PPP2R3B: variants seen among roughly 807,000 people sequenced by gnomAD.
PPP2R3B encodes serine/threonine-protein phosphatase 2A regulatory subunit B'' subunit beta.
Under a neutral mutation model 72.9 loss-of-function variants are expected in PPP2R3B, and 68 were observed. The ratio of observed to expected loss-of-function variants is 0.93; its 90% CI spans 0.77 to 1.14. The LOEUF is 1.14. Ranked by LOEUF, PPP2R3B falls within the 50% of genes most tolerant of loss-of-function variation. PPP2R3B has a pLI of 0.00. For synonymous variants in PPP2R3B, 466 were observed against 375.8 expected, an observed-to-expected ratio of 1.24 and a Z score of -2.78; for missense variants, 1,018 against 842.0, an observed-to-expected ratio of 1.21 and a Z score of -2.59.
At chrX:350,268 A>G (rs2071301337) in intron 2 of PPP2R3B, among the ~76,000 whole-genome samples, 1 of 152,200 alleles carries the variant, frequency 6.6e-6, no homozygotes, top group South Asian at 2.1e-4. Flanking sequence ...CCGAAGGGTG[A>G]AAGGCCAAAC....
At chrX:357,057 A>G (rs2124148007) in intron 2 of PPP2R3B, among the ~76,000 whole-genome samples, 1 of 152,322 alleles carries the variant, frequency 6.6e-6, no homozygotes, top group East Asian at 1.9e-4. Context: ...AAAATTTAAA[A>G]TAAAGATGCT....
At chrX:370,620 C>T (rs966625997) in intron 1 of PPP2R3B, among the ~76,000 whole-genome samples, 14 of 152,320 alleles carry the variant, frequency 9.2e-5, no homozygotes, top group African/African-American at 2.9e-4. Context: ...TTCTGTTTCC[C>T]GTTAACCCCC....
intron 3 of PPP2R3B, 61 bp from the exon 4 acceptor site, chrX:347,397 C>CT: frequency 1.3e-6 from 2 of 1,489,888 alleles, no homozygotes; most frequent in Non-Finnish European, 1.9e-6. Context: ...ACCCCGCAGA[C>CT]GCAGGGTGGA....
intron 1 of PPP2R3B, among the ~76,000 whole-genome samples, chrX:372,981 C>A (rs912787487): frequency 4.6e-5 from 7 of 152,056 alleles, no homozygotes; most frequent in Non-Finnish European, 1.0e-4. Context: ...TGAATAAAAC[C>A]ACGCTGCATA....
At chrX:359,948 A>C in intron 2 of PPP2R3B, 1 of 421,352 alleles carries the variant, frequency 2.4e-6, no homozygotes, top group Non-Finnish European at 4.6e-6. Context: ...CATATTTATA[A>C]AACAAAACTT....
At chrX:345,718 T>C (rs368413118) in intron 6 of PPP2R3B, 46 bp from the exon 7 acceptor site, 6 of 1,353,852 alleles carry the variant, frequency 4.4e-6, no homozygotes, top group Non-Finnish European at 5.9e-6. Flanking sequence ...TCTGCGGGGA[T>C]GCCCCAAGTC....
chrX:346,264 C>CGGGGGCGCTGTCAGTGCGGT lies in PPP2R3B; in HGVS notation c.793-24_793-5dup. On this transcript the variant is annotated splice_region_variant and splice_polypyrimidine_tract_variant and intron_variant, in intron 5 of 12. Coordinates refer to ENST00000390665, the MANE Select transcript of PPP2R3B (RefSeq NM_013239.5). ...CGTAGAAGATCCGCTGGATGACCTG[C>CGGGGGCGCTGTCAGTGCGGT]GGGGGCGCTGTCAGTGCGGTGGGTG... is the stretch of plus-strand genomic sequence containing the variant. The CGGGGGCGCTGTCAGTGCGGT allele has an allele frequency of 6.4e-7, 1 of 1,562,986 alleles. No individual in the cohort carries two copies. The highest frequency in any genetic ancestry group is 8.7e-7 in the Non-Finnish European group (1 of 1,155,626).
At chrX:380,987 G>A (rs1199265451) in intron 1 of PPP2R3B, among the ~76,000 whole-genome samples, 4 of 151,230 alleles carry the variant, frequency 2.6e-5, no homozygotes, top group African/African-American at 7.3e-5. Context: ...CCCGGCGGGA[G>A]TGCACTGGCA....
rs369351930 is a variant in PPP2R3B, at chrX:376,366, C to T, written c.324+10002G>A. On this transcript the variant is annotated intron_variant, in intron 1 of 12. Coordinates refer to ENST00000390665, the MANE Select transcript of PPP2R3B (RefSeq NM_013239.5). ...CCCGATGCAGAACCCGCACCACCCG[C>T]CCCCAGTGCAGCCACAGGGCTGTCT... 4.8e-4 allele frequency among the ~76,000 whole-genome samples: 73 copies of T among 152,324 alleles called. 1 individual carries two copies. Among genetic ancestry groups the T allele is most frequent in the African/African-American group, 1.7e-3 (69 of 41,562 alleles).
intron 10 of PPP2R3B, among the ~76,000 whole-genome samples, chrX:339,195 AGAGAACG>A (rs963791692): frequency 3.3e-5 from 5 of 149,484 alleles, no homozygotes; most frequent in Middle Eastern, 7.0e-3. Context: ...CTGAAATTAC[AGAGAACG>A]GAGCTCCCCG....
chrX:346,605 G>T, intron 5 of PPP2R3B, 96 bp downstream of exon 5: 1 of 1,219,424 alleles, frequency 8.2e-7, no homozygotes, highest in Non-Finnish European at 1.1e-6. Flanking sequence ...GGAACCCCGG[G>T]CCCCGCCCGC....
chrX:372,081 G>A (rs1266696391), intron 1 of PPP2R3B, among the ~76,000 whole-genome samples: 1 of 152,124 alleles, frequency 6.6e-6, no homozygotes, highest in African/African-American at 2.4e-5. Flanking sequence ...ATCCAGCCAC[G>A]TGCGAGCTAA....
intron 5 of PPP2R3B, 181 bp downstream of exon 5, chrX:346,520 C>G: frequency 3.0e-6 from 2 of 664,436 alleles, no homozygotes; most frequent in South Asian, 3.9e-5. Flanking sequence ...CCCGGAAAAC[C>G]AGAGTCCCCC....
chrX:378,803 T>C (rs1251154029), intron 1 of PPP2R3B, among the ~76,000 whole-genome samples: 1 of 152,080 alleles, frequency 6.6e-6, no homozygotes, highest in Non-Finnish European at 1.5e-5. Flanking sequence ...GTGCCCACTA[T>C]GAAAACGTGA....
chrX:351,177 C>A (rs1007909203), intron 2 of PPP2R3B, among the ~76,000 whole-genome samples: 18 of 152,280 alleles, frequency 1.2e-4, no homozygotes, highest in Non-Finnish European at 2.1e-4. Context: ...CGTGCCGGCT[C>A]CCGTGATGAG....
At position 348,096 on chromosome X, in the gene PPP2R3B, A is replaced by G. The variant is rs766202602; in HGVS notation, c.511-403T>C. Among the ~76,000 whole-genome samples, 803 of 152,272 alleles carry G rather than the reference A, an allele frequency of 5.3e-3. 18 individuals carry two copies. The highest frequency in any genetic ancestry group is 3.6e-3 in the Non-Finnish European group (242 of 68,022). The stretch of plus-strand genomic sequence containing the variant: ...CTCATGGAATGTGTGGGACGCACCT[A>G]CAGCAGCGACCCATGGCAGGTTCAC... On this transcript the variant is annotated intron_variant, in intron 2 of 12. Transcript: ENST00000390665.
At chrX:353,110 A>T (rs1278213645) in intron 2 of PPP2R3B, among the ~76,000 whole-genome samples, 2 of 152,080 alleles carry the variant, frequency 1.3e-5, no homozygotes, top group Admixed American at 1.3e-4. Flanking sequence ...GCGGTGGCTC[A>T]GGCCTGTCAT....
intron 1 of PPP2R3B, among the ~76,000 whole-genome samples, chrX:371,804 C>T (rs1467614087): frequency 6.8e-6 from 1 of 147,998 alleles, no homozygotes; most frequent in East Asian, 2.1e-4. Flanking sequence ...ACGTCCCCTT[C>T]TCCCCCAACA....
In PPP2R3B at chrX:347,214, G is replaced by A. The variant is rs1258016605; in HGVS notation, c.717+20C>T. The A allele has an allele frequency of 6.9e-6, 11 of 1,600,482 alleles. No homozygotes were observed. The highest frequency in any genetic ancestry group is 9.4e-6 in the Non-Finnish European group (11 of 1,168,248). ...CCTCCCGTGAAGGATAAGGCCTGTG[G>A]TGTAGACGCAGGCTCTCACCTGCAA... On this transcript the variant is annotated intron_variant, in intron 4 of 12. Coordinates refer to ENST00000390665, the MANE Select transcript of PPP2R3B (RefSeq NM_013239.5).
Sources: allele counts gnomAD v4.1 joint callset (sites outside exome capture counted in the v4.1 genomes callset), GRCh38; gene constraint gnomAD v4.1.1; transcripts MANE v1.5; gene names NCBI Gene and HGNC (gene_info 2026-07-23, HGNC 2026-07-21).